The following C2CD2 variants were observed in gnomAD, a reference collection of about 807,000 sequenced individuals.
C2CD2 encodes the protein C2 domain-containing protein 2.
A neutral mutation model predicts 74.3 loss-of-function variants in C2CD2; 43 were observed. The observed-to-expected ratio is 0.58, with a 90% CI of 0.45 to 0.75. The LOEUF (loss-of-function observed/expected upper bound fraction) is 0.75. C2CD2 is among the 30% of genes least tolerant of loss of function. The pLI is 0.00. For missense variants in C2CD2, 801 were observed against 916.3 expected (o/e 0.87, Z 1.63); for synonymous variants, 422 against 390.7 (o/e 1.08, Z -0.94).
rs1405308474 is a variant in C2CD2, at chr21:41,892,387, T to A, written c.1871-3043A>T. ...CCTCCAGAACAGGGAAAGAATTGGC[T>A]CCTGGTGTTGCAAACACCCAGTTTG... is the stretch of plus-strand genomic sequence containing the variant. On this transcript the variant is annotated intron_variant, in intron 13 of 13. Transcript: ENST00000380486. The surrounding 1 kb of genome is among the most constrained non-coding windows in gnomAD (Gnocchi z 4.6). 6.6e-6 allele frequency among the ~76,000 whole-genome samples: 1 copy of A among 152,134 alleles called. No homozygotes were observed.
At chr21:41,901,563 G>A (rs535550384) in intron 12 of C2CD2, 59 bp downstream of exon 12, 89 of 1,585,826 alleles carry the variant, frequency 5.6e-5, no homozygotes, top group Non-Finnish European at 7.3e-5. Context: ...AAGGGCAGAG[G>A]AGCAGCAGGT....
chr21:41,912,184 A>C, intron 7 of C2CD2, 148 bp downstream of exon 7: 1 of 557,594 alleles, frequency 1.8e-6, no homozygotes, highest in Non-Finnish European at 3.2e-6. Flanking sequence ...ACCTAAAGCT[A>C]CCTTTAAGAT....
chr21:41,938,908 A>AT (rs2065331949), intron 2 of C2CD2, among the ~76,000 whole-genome samples: 1 of 151,710 alleles, frequency 6.6e-6, no homozygotes. Context: ...CACCTGGCCA[A>AT]TTTTTTTGTA....
Position 41,953,405 on chromosome 21 carries a change from C to G in C2CD2, c.244G>C (p.Val82Leu). ...TCGGCCTCCTCGTTCAGGGCGGTCA[C>G]CCAGGCCGCCTGCCACTGGCTCCTC... ...SWRSQWQAAW[V>L]TALNEEAERK... Residue 82 changes from valine (V) to leucine (L), a missense_variant, in exon 1 of 14, where the codon GTG becomes CTG. Val to Leu is a conservative substitution (Grantham distance 32). Coordinates refer to ENST00000380486, the MANE Select transcript of C2CD2 (RefSeq NM_015500.2). 2 of 1,419,260 alleles carry G rather than the reference C, an allele frequency of 1.4e-6. No homozygotes were observed. The highest frequency in any genetic ancestry group is 1.8e-6 in the Non-Finnish European group (2 of 1,082,118). 87.9% of individuals were successfully genotyped at this position (1,419,260 alleles called of 1,614,324 possible).
At chr21:41,933,888 G>A (rs1039840849) in intron 2 of C2CD2, among the ~76,000 whole-genome samples, 1 of 152,158 alleles carries the variant, frequency 6.6e-6, no homozygotes. Context: ...TTCCTCATTT[G>A]GCCACAAAAA....
intron 13 of C2CD2, among the ~76,000 whole-genome samples, chr21:41,890,115 C>T (rs1404877681): frequency 6.6e-6 from 1 of 152,178 alleles, no homozygotes; most frequent in African/African-American, 2.4e-5. Context: ...AATTAAGACC[C>T]TGAGAACAAT....
At chr21:41,896,821 A>T (rs1317398526) in intron 13 of C2CD2, among the ~76,000 whole-genome samples, 1 of 152,202 alleles carries the variant, frequency 6.6e-6, no homozygotes, top group East Asian at 1.9e-4. Context: ...CCCATAACAC[A>T]GAATCGTCTC....
At chr21:41,910,022 T>C (rs1448322935) in intron 7 of C2CD2, among the ~76,000 whole-genome samples, 1 of 146,022 alleles carries the variant, frequency 6.8e-6, no homozygotes, top group African/African-American at 2.5e-5. Flanking sequence ...AAAGTAGAGA[T>C]GAAGTCTTGC....
intron 13 of C2CD2, among the ~76,000 whole-genome samples, chr21:41,891,398 A>G (rs2064752191): frequency 6.6e-6 from 1 of 152,170 alleles, no homozygotes; most frequent in Non-Finnish European, 1.5e-5. Flanking sequence ...ATGACCCCCA[A>G]CTGGACATGA....
intron 5 of C2CD2, among the ~76,000 whole-genome samples, chr21:41,916,696 CA>C: frequency 1.3e-5 from 2 of 151,790 alleles, no homozygotes; most frequent in African/African-American, 4.9e-5. Flanking sequence ...CACACACACA[CA>C]CACACACACT....
chr21:41,920,555 A>T (rs1296694632), intron 3 of C2CD2, among the ~76,000 whole-genome samples: 1 of 152,210 alleles, frequency 6.6e-6, no homozygotes, highest in East Asian at 1.9e-4. Context: ...CTAGTGGAAA[A>T]GTGCACTTTA....
chr21:41,935,808 C>T (rs913268298), intron 2 of C2CD2, among the ~76,000 whole-genome samples: 7 of 151,956 alleles, frequency 4.6e-5, no homozygotes, highest in African/African-American at 4.8e-5. Context: ...GCCAAGGTCG[C>T]GCTCCAGCCT....
intron 10 of C2CD2, among the ~76,000 whole-genome samples, chr21:41,906,399 CTT>C (rs1198508490): frequency 1.3e-5 from 2 of 152,170 alleles, no homozygotes; most frequent in Non-Finnish European, 2.9e-5. Flanking sequence ...GAAATTTGCT[CTT>C]GTTGTCCAGG....
At chr21:41,904,708 G>A (rs1449616189) in intron 11 of C2CD2, among the ~76,000 whole-genome samples, 1 of 152,180 alleles carries the variant, frequency 6.6e-6, no homozygotes, top group Admixed American at 6.5e-5. Flanking sequence ...ACCATGTTAA[G>A]ACAGTGCCCC....
rs1048773893 is a variant in C2CD2, at chr21:41,899,176, C to T, written c.1747G>A (p.Asp583Asn). ...KPQEDELDSW[D>N]LEKEPQAAAW... ...GCGGCCTGTGGCTCCTTCTCCAAGTCCCAGGAGTCTAGCTCGTCCTCCTGG... is the reference window on the plus strand; with the variant it reads ...GCGGCCTGTGGCTCCTTCTCCAAGTTCCAGGAGTCTAGCTCGTCCTCCTGG... Residue 583 changes from aspartate (D) to asparagine (N), a missense_variant, in exon 13 of 14, where the codon GAC (aspartate) becomes AAC (asparagine). Transcript: ENST00000380486. This position sits in a 1 kb window ranked among gnomAD's most constrained non-coding sequence, Gnocchi z 4.4. 3.1e-6 allele frequency: 5 copies of T among 1,613,114 alleles called. No individual in the cohort carries two copies. The East Asian group carries it at 1.1e-4, about 36-fold the overall frequency.
At chr21:41,922,167 T>TTC in intron 2 of C2CD2, 82 bp from the exon 3 acceptor site, 1 of 808,304 alleles carries the variant, frequency 1.2e-6, no homozygotes, top group East Asian at 2.7e-5. Flanking sequence ...CTTCTTCTTT[T>TTC]TTTTTTTTTG....
At chr21:41,919,036 GTGTGAGCA>G in intron 3 of C2CD2, 76 bp from the exon 4 acceptor site, 130 of 966,888 alleles carry the variant, frequency 1.3e-4, no homozygotes, top group Non-Finnish European at 1.9e-4. Context: ...GCATGTGACT[GTGTGAGCA>G]TGTGTGTGTG....
chr21:41,931,255 T>C (rs1007622839), intron 2 of C2CD2, among the ~76,000 whole-genome samples: 4 of 150,098 alleles, frequency 2.7e-5, no homozygotes, highest in African/African-American at 9.7e-5. Context: ...TCTGAGCAGA[T>C]ACCCTGCAAG....
chr21:41,925,353 G>A (rs957655071), intron 2 of C2CD2, among the ~76,000 whole-genome samples: 1 of 152,116 alleles, frequency 6.6e-6, no homozygotes, highest in African/African-American at 2.4e-5. Context: ...GCATGGTGGT[G>A]TGCACCTGTA....
Sources: allele counts gnomAD v4.1 joint callset (sites outside exome capture counted in the v4.1 genomes callset), GRCh38; gene constraint gnomAD v4.1.1; non-coding constraint Gnocchi (gnomAD v3.1); transcripts MANE v1.5; gene names NCBI Gene and HGNC (gene_info 2026-07-23, HGNC 2026-07-21).